USP22: variants seen among roughly 807,000 people sequenced by gnomAD.
USP22 encodes ubiquitin specific peptidase 22, also known as ubiquitin carboxyl-terminal hydrolase 22.
A neutral mutation model predicts 68.1 loss-of-function variants in USP22; 22 were observed. The ratio of observed to expected loss-of-function variants is 0.32; its 90% CI spans 0.23 to 0.46. The LOEUF is 0.46. Among genes scored for constraint, USP22 ranks in the 20% least tolerant of loss-of-function variants. The pLI, the probability that USP22 is intolerant of heterozygous loss-of-function variation, is 1.00. For synonymous variants in USP22, 279 were observed against 274.2 expected, an observed-to-expected ratio of 1.02 and a Z score of -0.17; for missense variants, 433 against 695.8, an observed-to-expected ratio of 0.62 and a Z score of 4.25.
At chr17:21,008,283 G>A (rs1003600743) in intron 8 of USP22, among the ~76,000 whole-genome samples, 2 of 152,124 alleles carry the variant, frequency 1.3e-5, no homozygotes, top group Non-Finnish European at 2.9e-5. Flanking sequence ...CCAGAGAAAT[G>A]AAAACTAATG....
chr17:21,036,038 A>T (rs1972350811), intron 1 of USP22, among the ~76,000 whole-genome samples: 1 of 110,684 alleles, frequency 9.0e-6, no homozygotes. Flanking sequence ...CTCAAAAAAA[A>T]AAAAAAAAAA....
At chr17:21,003,095 G>A in intron 12 of USP22, 22 bp from the exon 13 acceptor site, 1 of 1,613,620 alleles carries the variant, frequency 6.2e-7, no homozygotes, top group Non-Finnish European at 8.5e-7. Context: ...GAGAGAGGGA[G>A]GAGGCTCACC....
At chr17:21,028,718 CA>C in intron 1 of USP22, 44 bp from the exon 2 acceptor site, 1 of 1,597,326 alleles carries the variant, frequency 6.3e-7, no homozygotes, top group Non-Finnish European at 8.5e-7. Context: ...TGTGATAAGA[CA>C]GGGGTGCTCA....
intron 1 of USP22, among the ~76,000 whole-genome samples, chr17:21,038,022 CTTAGTA>C (rs1474624618): frequency 6.6e-6 from 1 of 152,142 alleles, no homozygotes; most frequent in Non-Finnish European, 1.5e-5. Context: ...TTAGACCCCA[CTTAGTA>C]TGAATGGTGT....
At chr17:21,036,885 C>A (rs1395620930) in intron 1 of USP22, among the ~76,000 whole-genome samples, 1 of 152,164 alleles carries the variant, frequency 6.6e-6, no homozygotes, top group Non-Finnish European at 1.5e-5. Flanking sequence ...CACACCAGTG[C>A]CCAGATCTTG....
At chr17:21,028,443 CAA>C in intron 2 of USP22, 97 bp downstream of exon 2, 6 of 1,545,446 alleles carry the variant, frequency 3.9e-6, no homozygotes, top group Non-Finnish European at 5.2e-6. Flanking sequence ...AGACAAACGA[CAA>C]AGTGGACTTT....
intron 3 of USP22, among the ~76,000 whole-genome samples, chr17:21,020,283 A>C (rs989647785): frequency 2.0e-5 from 3 of 149,834 alleles, no homozygotes; most frequent in African/African-American, 7.4e-5. Flanking sequence ...AAAAAAACTC[A>C]GGGAAGCCAA....
intron 1 of USP22, among the ~76,000 whole-genome samples, chr17:21,035,957 G>C (rs554782366): frequency 5.4e-4 from 79 of 146,974 alleles, no homozygotes; most frequent in African/African-American, 1.9e-3. Flanking sequence ...CGTGAACCCA[G>C]GAGGCGGAGC....
chr17:21,026,071 C>A (rs2143604697), intron 2 of USP22, among the ~76,000 whole-genome samples: 1 of 152,224 alleles, frequency 6.6e-6, no homozygotes, highest in African/African-American at 2.4e-5. Flanking sequence ...CCAGCCTGGC[C>A]AACATGGTGA....
In USP22 at chr17:21,018,048, G is replaced by A; in HGVS notation, c.584C>T (p.Thr195Ile). The change falls in exon 5 of 13, where the codon ACC becomes ATC. Residue 195 changes from threonine (T) to isoleucine (I), a missense_variant. By Grantham distance (89) the Thr-to-Ile change is moderately conservative. Around this residue, in one of 4 missense-constraint regions of USP22, gnomAD observed 144 missense variants for 237.2 expected, o/e 0.61. Transcript: ENST00000261497. ...CFMNCIVQAL[T>I]HTPLLRDFFL... ...GAAGTCCCGCAGAAGTGGCGTGTGG[G>A]TCAGGGCCTGCACGATGCAGTTCAT... is the stretch of plus-strand genomic sequence containing the variant. 1 of 1,613,990 alleles carries A rather than the reference G, an allele frequency of 6.2e-7. No homozygotes were observed. Among genetic ancestry groups the A allele is most frequent in the South Asian group, 1.1e-5 (1 of 91,052 alleles).
At chr17:21,005,465 G>A (rs181381129) in intron 10 of USP22, among the ~76,000 whole-genome samples, 26 of 152,310 alleles carry the variant, frequency 1.7e-4, no homozygotes, top group African/African-American at 6.0e-4. Context: ...GGAGAGGAGT[G>A]CTGGGAACAG....
chr17:21,012,850 G>A lies in USP22; in HGVS notation c.924C>T (p.Asp308=), dbSNP rs1315568858. 9 of 1,613,844 alleles carry A rather than the reference G, an allele frequency of 5.6e-6. No homozygotes were observed. The highest frequency in any genetic ancestry group is 6.8e-6 in the Non-Finnish European group (8 of 1,180,004). The part of the protein sequence containing the change: ...DQIFTGGLQS[D]VTCQVCHGVS... The stretch of plus-strand genomic sequence containing the variant: ...CTTACTGGCAGACTTGGCAGGTGAC[G>A]TCTGACTGCAACCCGCCTGTGAAGA... Residue 308 remains aspartate, a synonymous_variant, in exon 7 of 13, where the codon GAC becomes GAT. Coordinates refer to ENST00000261497, the MANE Select transcript of USP22 (RefSeq NM_015276.2).
At chr17:21,020,164 C>T (rs2143578384) in intron 3 of USP22, among the ~76,000 whole-genome samples, 1 of 144,290 alleles carries the variant, frequency 6.9e-6, no homozygotes. Flanking sequence ...AGATGCTCAC[C>T]TGTCAACTGG....
chr17:21,027,085 C>T (rs576507405), intron 2 of USP22, among the ~76,000 whole-genome samples: 22 of 151,806 alleles, frequency 1.4e-4, no homozygotes, highest in Non-Finnish European at 3.1e-4. Flanking sequence ...TGAGCCACCA[C>T]GCCCAGCCTA....
At chr17:21,020,901 G>A (rs377683171) in intron 3 of USP22, among the ~76,000 whole-genome samples, 1 of 152,148 alleles carries the variant, frequency 6.6e-6, no homozygotes, top group Admixed American at 6.5e-5. Flanking sequence ...CCAAGCACAC[G>A]GGCAGCTATG....
At position 21,011,322 on chromosome 17, in the gene USP22, G is replaced by A. The variant is rs2291035; in HGVS notation, c.945-13C>T. ...GGTGGAGACTCCACTGGAAGCAGAG[G>A]GAAAACAATGGCTGTGAGGACTGAC... is the stretch of plus-strand genomic sequence containing the variant. On this transcript the variant is annotated splice_polypyrimidine_tract_variant and intron_variant, in intron 7 of 12. Coordinates refer to ENST00000261497, the MANE Select transcript of USP22 (RefSeq NM_015276.2). 0.24 allele frequency: 375,589 copies of A among 1,551,874 alleles called. 46,345 individuals are homozygous for A. Among genetic ancestry groups the A allele is most frequent in the African/African-American group, 0.32 (23,619 of 73,076 alleles).
At chr17:21,007,704 A>G (rs1371789534) in intron 9 of USP22, among the ~76,000 whole-genome samples, 166 bp downstream of exon 9, 1 of 152,234 alleles carries the variant, frequency 6.6e-6, no homozygotes, top group African/African-American at 2.4e-5. Context: ...CAAAAGGACA[A>G]TTCACAGATG....
chr17:21,039,277 A>G (rs1007876997), intron 1 of USP22, among the ~76,000 whole-genome samples: 1 of 150,936 alleles, frequency 6.6e-6, no homozygotes, highest in Non-Finnish European at 1.5e-5. Context: ...CTGCAATACA[A>G]GAGTTTTATG....
At chr17:21,021,552 C>T (rs1323567339) in intron 2 of USP22, among the ~76,000 whole-genome samples, 2 of 152,222 alleles carry the variant, frequency 1.3e-5, no homozygotes, top group East Asian at 3.8e-4. Flanking sequence ...GGTACAACTG[C>T]ATTGGATATT....
Sources: allele counts gnomAD v4.1 joint callset (sites outside exome capture counted in the v4.1 genomes callset), GRCh38; gene constraint gnomAD v4.1.1; regional missense constraint gnomAD v4.1.1; transcripts MANE v1.5; gene names NCBI Gene and HGNC (gene_info 2026-07-23, HGNC 2026-07-21).